The following BLM variants were observed in gnomAD, a reference collection of about 807,000 sequenced individuals.
BLM encodes the protein recQ-like DNA helicase BLM.
A neutral mutation model predicts 135.3 loss-of-function variants in BLM; 95 were observed. The observed-to-expected ratio is 0.70, with a 90% CI of 0.59 to 0.83. The LOEUF (loss-of-function observed/expected upper bound fraction) is 0.83, where lower values mean the gene tolerates loss of function less well. Among genes scored for constraint, BLM ranks in the 40% least tolerant of loss-of-function variants. BLM has a pLI of 0.00. For missense variants in BLM, 1,518 were observed against 1,663.9 expected (o/e 0.91, Z 1.53); for synonymous variants, 520 against 589.2 (o/e 0.88, Z 1.70).
At chr15:90,804,401 A>G in intron 19 of BLM, 42 bp downstream of exon 19, 1 of 1,553,922 alleles carries the variant, frequency 6.4e-7, no homozygotes, top group Non-Finnish European at 8.9e-7. Context: ...ACAGATTAAT[A>G]GGCCGAAAGT....
intron 21 of BLM, 152 bp downstream of exon 21, chr15:90,811,558 G>A: frequency 1.1e-6 from 1 of 930,462 alleles, no homozygotes; most frequent in South Asian, 1.6e-5. Flanking sequence ...GACAATTAAG[G>A]TTTGATCCAA....
At chr15:90,793,697 G>C (rs572232516) in intron 15 of BLM, 20 of 153,000 alleles carry the variant, frequency 1.3e-4, no homozygotes, top group African/African-American at 3.9e-4. Flanking sequence ...ACAGATGTTA[G>C]GCATTGCTGT....
rs776916080 is a variant in BLM, at chr15:90,790,855, C to A, written c.3019+11C>A. ...AAAGACTTATAATGAGTAAGCTGGG[C>A]TCCATTGTAGAGACATTCTGTCATC... is the stretch of plus-strand genomic sequence containing the variant. On this transcript the variant is annotated intron_variant, in intron 15 of 21. Transcript: ENST00000355112. 9.3e-6 allele frequency: 15 copies of A among 1,609,486 alleles called. No individual in the cohort carries two copies. The highest frequency in any genetic ancestry group is 6.7e-5 in the Admixed American group (4 of 60,014).
intron 1 of BLM, among the ~76,000 whole-genome samples, chr15:90,723,090 C>T (rs758885879): frequency 6.6e-6 from 1 of 152,138 alleles, no homozygotes; most frequent in Non-Finnish European, 1.5e-5. Context: ...AATCTGCCTG[C>T]CTCGGCCTCC....
At chr15:90,760,446 A>G in intron 6 of BLM, 148 bp from the exon 7 acceptor site, 2 of 1,221,154 alleles carry the variant, frequency 1.6e-6, no homozygotes, top group South Asian at 2.6e-5. Flanking sequence ...CACTCCTTTA[A>G]CATTCGTATT....
intron 1 of BLM, among the ~76,000 whole-genome samples, chr15:90,724,542 T>G (rs916750358): frequency 2.0e-5 from 3 of 152,120 alleles, no homozygotes; most frequent in African/African-American, 2.4e-5. Context: ...CCCCAAATGT[T>G]AAGTCCTCCC....
intron 12 of BLM, among the ~76,000 whole-genome samples, chr15:90,780,958 G>A (rs557874713): frequency 6.6e-6 from 1 of 152,292 alleles, no homozygotes; most frequent in Admixed American, 6.5e-5. Context: ...TTAGGTATCC[G>A]AGGAGGCCCT....
chr15:90,810,436 G>A (rs1897386772), intron 20 of BLM, among the ~76,000 whole-genome samples: 1 of 152,186 alleles, frequency 6.6e-6, no homozygotes, highest in Admixed American at 6.5e-5. Flanking sequence ...AGCCAGGGTT[G>A]GAGCAGCCAT....
chr15:90,760,604 C>G lies in BLM; in HGVS notation c.1231C>G (p.Leu411Val), dbSNP rs1567040779. The change falls in exon 7 of 22, where the codon CTA (leucine) becomes GTA (valine). Residue 411 changes from leucine (L) to valine (V), a missense_variant. This residue lies in a region of BLM where 724 missense variants were observed against 756.9 expected (regional missense o/e 0.96). Coordinates refer to ENST00000355112, the MANE Select transcript of BLM (RefSeq NM_000057.4). ...CTTTTCTCTCTTCAGAAGGAAACTT[C>G]TAACGGAAGTAGATTTTAATAAAAG... ...LQQRNIRRKL[L>V]TEVDFNKSDA... is the part of the protein sequence containing the mutation. The G allele has an allele frequency of 1.2e-6, 2 of 1,611,066 alleles. No individual in the cohort carries two copies. Among genetic ancestry groups the G allele is most frequent in the Non-Finnish European group, 1.7e-6 (2 of 1,178,248 alleles).
chr15:90,812,699 AC>A, intron 21 of BLM, among the ~76,000 whole-genome samples: 1 of 152,300 alleles, frequency 6.6e-6, no homozygotes, highest in East Asian at 1.9e-4. Context: ...CAGTTTTTCT[AC>A]CTCTTGTCCT....
At chr15:90,793,687 A>G (rs1430694757) in intron 15 of BLM, 1 of 152,760 alleles carries the variant, frequency 6.5e-6, no homozygotes, top group Admixed American at 6.5e-5. Flanking sequence ...GTGATGTTCA[A>G]CAGATGTTAG....
At chr15:90,791,495 A>G (rs1896904345) in intron 15 of BLM, among the ~76,000 whole-genome samples, 2 of 152,152 alleles carry the variant, frequency 1.3e-5, no homozygotes, top group Admixed American at 6.6e-5. Context: ...ACTACCTAGA[A>G]TTCCGTAGTA....
At chr15:90,795,431 G>C (rs1368641012) in intron 16 of BLM, among the ~76,000 whole-genome samples, 1 of 151,982 alleles carries the variant, frequency 6.6e-6, no homozygotes, top group Non-Finnish European at 1.5e-5. Context: ...AGTGAGCCAA[G>C]ATCATGCCAT....
chr15:90,791,601 T>C (rs1391368492), intron 15 of BLM, among the ~76,000 whole-genome samples: 1 of 152,102 alleles, frequency 6.6e-6, no homozygotes, highest in Non-Finnish European at 1.5e-5. Flanking sequence ...CATCCCTCCC[T>C]ATACAAATAT....
At chr15:90,736,403 G>A (rs1016802500) in intron 1 of BLM, among the ~76,000 whole-genome samples, 1 of 151,972 alleles carries the variant, frequency 6.6e-6, no homozygotes, top group Non-Finnish European at 1.5e-5. Flanking sequence ...GGGACCACAA[G>A]TGCATGCCAC....
chr15:90,718,759 C>T (rs915613658), intron 1 of BLM, among the ~76,000 whole-genome samples: 1 of 151,934 alleles, frequency 6.6e-6, no homozygotes, highest in Non-Finnish European at 1.5e-5. Flanking sequence ...TTATTTCCTT[C>T]GTTTTACTGA....
rs528898193 is a variant in BLM, at chr15:90,730,535, C to T, written c.-5+13095C>T. On this transcript the variant is annotated intron_variant, in intron 1 of 21. Coordinates refer to ENST00000355112, the MANE Select transcript of BLM (RefSeq NM_000057.4). The stretch of plus-strand genomic sequence containing the variant: ...CGCAATCTTGGCCCACTGCAACTTC[C>T]GCCTCCCGGTTCAAGTGATTCTCCT... Among the ~76,000 whole-genome samples the T allele has an allele frequency of 1.1e-4, 16 of 151,460 alleles. No homozygotes were observed. In the South Asian group the frequency reaches 2.9e-3, roughly 28 times the overall value.
chr15:90,728,172 G>A (rs1894966948), intron 1 of BLM, among the ~76,000 whole-genome samples: 1 of 152,036 alleles, frequency 6.6e-6, no homozygotes, highest in African/African-American at 2.4e-5. Context: ...AAGTAGCTGG[G>A]ACCATAGGCA....
chr15:90,729,205 G>T (rs1161479504), intron 1 of BLM, among the ~76,000 whole-genome samples: 5 of 152,096 alleles, frequency 3.3e-5, no homozygotes, highest in South Asian at 2.1e-4. Flanking sequence ...AGCTACTCAG[G>T]AGGCTGAGGT....
Sources: gnomAD v4.1 joint callset for allele counts (sites outside exome capture counted in the v4.1 genomes callset) on GRCh38, gnomAD v4.1.1 for gene constraint, gnomAD v4.1.1 regional missense constraint, MANE v1.5 for transcripts, NCBI Gene and HGNC (gene_info 2026-07-23, HGNC 2026-07-21) for gene names.